Variants in UFSP1 observed in about 807,000 individuals in gnomAD.
The protein encoded by UFSP1 is ufm1-specific protease 1.
For synonymous variants in UFSP1, 119 were observed against 77.6 expected (o/e 1.53, Z -2.81); for missense variants, 261 against 182.7 (o/e 1.43, Z -2.47).
Position 100,889,641 on chromosome 7 carries a change from T to C in UFSP1, c.-370A>G. 3.8e-6 allele frequency: 1 copy of C among 260,718 alleles called. No homozygotes were observed. Among genetic ancestry groups the C allele is most frequent in the Non-Finnish European group, 7.4e-6 (1 of 135,290 alleles). 16.2% of individuals were successfully genotyped at this position (260,718 alleles called of 1,614,324 possible). A position where few individuals can be genotyped will look rare whatever the true frequency, so the allele number is the denominator to read the frequency against. ...ACCGGCGCGCAGACTGGGGACGCGC[T>C]CCCCGGGCCTCGTTGATCACCGCAG... is the stretch of plus-strand genomic sequence containing the variant. On this transcript the variant is annotated 5_prime_UTR_variant, in exon 1 of 1. Transcript: ENST00000388761.
chr7:100,889,404 G>A lies in UFSP1; in HGVS notation c.-133C>T. ...GGTCGTCCAGGCCGTCGCAGCCGTA[G>A]TGGTAGTAGAGGTAGTGGCCCGAGA... On this transcript the variant is annotated 5_prime_UTR_variant, in exon 1 of 1. Coordinates refer to ENST00000388761, the MANE Select transcript of UFSP1 (RefSeq NM_001015072.4). 3 of 775,710 alleles carry A rather than the reference G, an allele frequency of 3.9e-6. No homozygotes were observed. The highest frequency in any genetic ancestry group is 5.9e-6 in the Non-Finnish European group (3 of 505,266). 48.1% of individuals were successfully genotyped at this position (775,710 alleles called of 1,614,324 possible).
chr7:100,889,141 T>A lies in UFSP1; in HGVS notation c.131A>T (p.His44Leu). ...CGAGTAAAGCCTCTCCAGCTCCCCG[T>A]GCAGCCCCACTCCCCGGGGTACGTG... Residue 44 changes from histidine (H) to leucine (L), a missense_variant, in exon 1 of 1, where the codon CAC becomes CTC. By Grantham distance (99) the His-to-Leu change is moderately conservative. Coordinates refer to ENST00000388761, the MANE Select transcript of UFSP1 (RefSeq NM_001015072.4). 6.2e-7 allele frequency: 1 copy of A among 1,612,874 alleles called. No individual in the cohort carries two copies. Among genetic ancestry groups the A allele is most frequent in the Non-Finnish European group, 8.5e-7 (1 of 1,179,698 alleles).
Position 100,889,339 on chromosome 7 carries a change from C to T in UFSP1, c.-68G>A, listed in dbSNP as rs1790488393. 3 of 1,367,548 alleles carry T rather than the reference C, an allele frequency of 2.2e-6. No individual in the cohort carries two copies. The highest frequency in any genetic ancestry group is 5.7e-5 in the Admixed American group (2 of 35,300). 84.7% of individuals were successfully genotyped at this position (1,367,548 alleles called of 1,614,324 possible). On this transcript the variant is annotated 5_prime_UTR_variant, in exon 1 of 1. Coordinates refer to ENST00000388761, the MANE Select transcript of UFSP1 (RefSeq NM_001015072.4). ...CGCGGGCTGGCCCTCTGGCCACGAG[C>T]ACAGCGTCTGCAGAGTGCGGTAGCC...
Position 100,888,973 on chromosome 7 carries a change from C to A in UFSP1, c.299G>T (p.Ser100Ile), listed in dbSNP as rs1790461850. The A allele has an allele frequency of 6.2e-7, 1 of 1,614,068 alleles. No individual in the cohort carries two copies. ...CCCAGCAGCCTGTAGTTCACTGGGG[C>A]TTTTTGGAGTGCCCCAGTAGTGAGG... Residue 100 changes from serine (S) to isoleucine (I), a missense_variant, in exon 1 of 1, where the codon AGC becomes ATC. Physicochemically the swap from Ser to Ile is moderately radical, Grantham distance 142. Transcript: ENST00000388761.
chr7:100,889,337 A>C lies in UFSP1; in HGVS notation c.-66T>G. Reference sequence around the variant, plus strand: ...CCCGCGGGCTGGCCCTCTGGCCACGAGCACAGCGTCTGCAGAGTGCGGTAG... The same window carrying C: ...CCCGCGGGCTGGCCCTCTGGCCACGCGCACAGCGTCTGCAGAGTGCGGTAG... On this transcript the variant is annotated 5_prime_UTR_variant, in exon 1 of 1. Coordinates refer to ENST00000388761, the MANE Select transcript of UFSP1 (RefSeq NM_001015072.4). 2.2e-6 allele frequency: 3 copies of C among 1,376,700 alleles called. No individual in the cohort carries two copies. The highest frequency in any genetic ancestry group is 2.9e-6 in the Non-Finnish European group (3 of 1,039,968). 85.3% of individuals were successfully genotyped at this position (1,376,700 alleles called of 1,614,324 possible).
rs1790475022 is a variant in UFSP1, at chr7:100,889,125, CCT to C, written c.145_146del (p.Arg49AlafsTer54). 5 of 1,613,156 alleles carry C rather than the reference CCT, an allele frequency of 3.1e-6. No homozygotes were observed. In the South Asian group the frequency reaches 3.3e-5, roughly 11 times the overall value. On this transcript the variant is annotated frameshift_variant, in exon 1 of 1. Coordinates refer to ENST00000388761, the MANE Select transcript of UFSP1 (RefSeq NM_001015072.4). LOFTEE classifies it low-confidence loss of function (END_TRUNC). ...CACCCCCTGCGAAGTGCGAGTAAAG[CCT>C]CTCCAGCTCCCCGTGCAGCCCCACT...
rs773761808 is a variant in UFSP1 at position 100,888,866 on chromosome 7, G to A, written c.406C>T (p.Gln136Ter). The A allele has an allele frequency of 1.2e-6, 2 of 1,612,012 alleles. No homozygotes were observed. Among genetic ancestry groups the A allele is most frequent in the East Asian group, 2.2e-5 (1 of 44,834 alleles). Residue 136 changes from glutamine (Q) to a stop codon, truncating the protein, a stop_gained, in exon 1 of 1, where the codon CAG becomes TAG. Coordinates refer to ENST00000388761, the MANE Select transcript of UFSP1 (RefSeq NM_001015072.4). LOFTEE classifies it high-confidence loss of function. ...CCTCAGTCCAAGGTGCGCTGCTGCT[G>A]TTGGGAGCTAAGGCTGGTCAAGCAC... is the stretch of plus-strand genomic sequence containing the variant.
rs1790499681 is a variant in UFSP1, at chr7:100,889,610, C to T, written c.-339G>A. The T allele has an allele frequency of 9.6e-6, 3 of 311,216 alleles. No homozygotes were observed. Among genetic ancestry groups the T allele is most frequent in the African/African-American group, 4.3e-5 (2 of 46,038 alleles). 19.3% of individuals were successfully genotyped at this position (311,216 alleles called of 1,614,324 possible). A position where few individuals can be genotyped will look rare whatever the true frequency, so the allele number is the denominator to read the frequency against. ...CGGCTCCGGGTCTTGGGCCAGCTGCCGCAGGACCGGCGCGCAGACTGGGGA... is the reference window on the plus strand; with the variant it reads ...CGGCTCCGGGTCTTGGGCCAGCTGCTGCAGGACCGGCGCGCAGACTGGGGA... On this transcript the variant is annotated 5_prime_UTR_variant, in exon 1 of 1. Coordinates refer to ENST00000388761, the MANE Select transcript of UFSP1 (RefSeq NM_001015072.4).
rs772090483 is a variant in UFSP1 at position 100,889,158 on chromosome 7, G to C, written c.114C>G (p.Pro38=). 7.4e-6 allele frequency: 12 copies of C among 1,612,714 alleles called. No individual in the cohort carries two copies. The highest frequency in any genetic ancestry group is 8.5e-6 in the Non-Finnish European group (10 of 1,179,776). ...GCTCCCCGTGCAGCCCCACTCCCCG[G>C]GGTACGTGGCAGAGGCGTCCCTGGG... The change falls in exon 1 of 1, where the codon CCC becomes CCG. Residue 38 remains proline (P), a synonymous_variant. Coordinates refer to ENST00000388761, the MANE Select transcript of UFSP1 (RefSeq NM_001015072.4).
In UFSP1 at chr7:100,889,502, C is replaced by A. The variant is rs537404942; in HGVS notation, c.-231G>T. On this transcript the variant is annotated 5_prime_UTR_variant, in exon 1 of 1. Transcript: ENST00000388761. ...TGGACGTCCCTCAGCGGCTCCAGGGCGGTGGGCGGGAGCGGAGGTCCCAGG... is the reference window on the plus strand; with the variant it reads ...TGGACGTCCCTCAGCGGCTCCAGGGAGGTGGGCGGGAGCGGAGGTCCCAGG... 37 of 464,042 alleles carry A rather than the reference C, an allele frequency of 8.0e-5. No homozygotes were observed. Among genetic ancestry groups the A allele is most frequent in the South Asian group, 5.4e-4 (11 of 20,342 alleles). The allele number at this position is 464,042 out of a possible 1,614,324, so 28.7% of individuals were successfully genotyped here. A position where few individuals can be genotyped will look rare whatever the true frequency, so the allele number is the denominator to read the frequency against.
chr7:100,889,335 C>T lies in UFSP1; in HGVS notation c.-64G>A. 1 of 1,376,342 alleles carries T rather than the reference C, an allele frequency of 7.3e-7. No homozygotes were observed. The allele number at this position is 1,376,342 out of a possible 1,614,324, so 85.3% of individuals were successfully genotyped here. A position where few individuals can be genotyped will look rare whatever the true frequency, so the allele number is the denominator to read the frequency against. On this transcript the variant is annotated 5_prime_UTR_variant, in exon 1 of 1. Transcript: ENST00000388761. ...CGCCCGCGGGCTGGCCCTCTGGCCACGAGCACAGCGTCTGCAGAGTGCGGT... is the reference window on the plus strand; with the variant it reads ...CGCCCGCGGGCTGGCCCTCTGGCCATGAGCACAGCGTCTGCAGAGTGCGGT...
rs1790459881 is a variant in UFSP1 at position 100,888,942 on chromosome 7, C to T, written c.330G>A (p.Val110=). 6.2e-7 allele frequency: 1 copy of T among 1,614,170 alleles called. No homozygotes were observed. The highest frequency in any genetic ancestry group is 1.1e-5 in the South Asian group (1 of 91,080). ...AGGCTGCACTCACCTCTTGCCAGCC[C>T]ACCCACCCAGCAGCCTGTAGTTCAC... Residue 110 remains valine (V), a synonymous_variant, in exon 1 of 1, where the codon GTG becomes GTA. Transcript: ENST00000388761.
Position 100,889,398 on chromosome 7 carries a change from G to T in UFSP1, c.-127C>A. 1 of 816,094 alleles carries T rather than the reference G, an allele frequency of 1.2e-6. No individual in the cohort carries two copies. Among genetic ancestry groups the T allele is most frequent in the Non-Finnish European group, 1.8e-6 (1 of 541,214 alleles). 50.6% of individuals were successfully genotyped at this position (816,094 alleles called of 1,614,324 possible). A position where few individuals can be genotyped will look rare whatever the true frequency, so the allele number is the denominator to read the frequency against. Reference sequence around the variant, plus strand: ...AGCCGCGGTCGTCCAGGCCGTCGCAGCCGTAGTGGTAGTAGAGGTAGTGGC... The same window carrying T: ...AGCCGCGGTCGTCCAGGCCGTCGCATCCGTAGTGGTAGTAGAGGTAGTGGC... On this transcript the variant is annotated 5_prime_UTR_variant, in exon 1 of 1. Coordinates refer to ENST00000388761, the MANE Select transcript of UFSP1 (RefSeq NM_001015072.4).
At position 100,889,191 on chromosome 7, in the gene UFSP1, G is replaced by T. The variant is rs1045654524; in HGVS notation, c.81C>A (p.Phe27Leu). 3.1e-6 allele frequency: 5 copies of T among 1,609,622 alleles called. No individual in the cohort carries two copies. Among genetic ancestry groups the T allele is most frequent in the Non-Finnish European group, 3.4e-6 (4 of 1,178,496 alleles). Reference sequence around the variant, plus strand: ...GGCAGAGGCGTCCCTGGGGCCCTCCGAAGTGAGCGAGGCAGAGGCTGGCCT... The same window carrying T: ...GGCAGAGGCGTCCCTGGGGCCCTCCTAAGTGAGCGAGGCAGAGGCTGGCCT... The change falls in exon 1 of 1, where the codon TTC (phenylalanine) becomes TTA (leucine). Residue 27 changes from phenylalanine (F) to leucine (L), a missense_variant. Physicochemically the swap from Phe to Leu is conservative, Grantham distance 22. Transcript: ENST00000388761.
rs775290723 is a variant in UFSP1, at chr7:100,889,159, G to C, written c.113C>G (p.Pro38Arg). 9.3e-6 allele frequency: 15 copies of C among 1,612,790 alleles called. 2 individuals are homozygous for C. The Middle Eastern group carries it at 5.0e-4, about 53-fold the overall frequency. ...CTCCCCGTGCAGCCCCACTCCCCGG[G>C]GTACGTGGCAGAGGCGTCCCTGGGG... The change falls in exon 1 of 1, where the codon CCC (proline) becomes CGC (arginine). Residue 38 changes from proline (P) to arginine (R), a missense_variant. Physicochemically the swap from Pro to Arg is moderately radical, Grantham distance 103. Transcript: ENST00000388761.
In UFSP1 at chr7:100,889,235, C is replaced by A; in HGVS notation, c.37G>T (p.Asp13Tyr). ...CTGGCCTCCACGCAGCCGATCCAGTCCCGGGAGCCCCGGAAGCCGGGGGGC... is the reference window on the plus strand; with the variant it reads ...CTGGCCTCCACGCAGCCGATCCAGTACCGGGAGCCCCGGAAGCCGGGGGGC... The change falls in exon 1 of 1, where the codon GAC becomes TAC. Residue 13 changes from aspartate (D) to tyrosine (Y), a missense_variant. Physicochemically the swap from Asp to Tyr is radical, Grantham distance 160. Transcript: ENST00000388761. The A allele has an allele frequency of 6.4e-7, 1 of 1,558,896 alleles. No homozygotes were observed. Among genetic ancestry groups the A allele is most frequent in the Non-Finnish European group, 8.7e-7 (1 of 1,155,448 alleles).
At position 100,888,914 on chromosome 7, in the gene UFSP1, C is replaced by T; in HGVS notation, c.358G>A (p.Asp120Asn). ...CACAGGTTGTAGAAGGAGTTGGGGT[C>T]AAAGGCTGCACTCACCTCTTGCCAG... Residue 120 changes from aspartate to asparagine, a missense_variant, in exon 1 of 1, where the codon GAC becomes AAC. Physicochemically the swap from Asp to Asn is conservative, Grantham distance 23 (BLOSUM62 1). Coordinates refer to ENST00000388761, the MANE Select transcript of UFSP1 (RefSeq NM_001015072.4). 2 of 1,614,152 alleles carry T rather than the reference C, an allele frequency of 1.2e-6. No homozygotes were observed. The highest frequency in any genetic ancestry group is 2.2e-5 in the South Asian group (2 of 91,078).
In UFSP1 at chr7:100,889,522, C is replaced by T; in HGVS notation, c.-251G>A. ...CAGGGCGGTGGGCGGGAGCGGAGGT[C>T]CCAGGCCAGGCACAGCGTCCTCCTA... On this transcript the variant is annotated 5_prime_UTR_variant, in exon 1 of 1. Coordinates refer to ENST00000388761, the MANE Select transcript of UFSP1 (RefSeq NM_001015072.4). The T allele has an allele frequency of 2.2e-6, 1 of 458,252 alleles. No homozygotes were observed. Among genetic ancestry groups the T allele is most frequent in the South Asian group, 5.0e-5 (1 of 19,862 alleles). The allele number at this position is 458,252 out of a possible 1,614,324, so 28.4% of individuals were successfully genotyped here.
Position 100,889,062 on chromosome 7 carries a change from C to G in UFSP1, c.210G>C (p.Arg70Ser). The G allele has an allele frequency of 6.2e-6, 10 of 1,614,110 alleles. No individual in the cohort carries two copies. The highest frequency in any genetic ancestry group is 8.5e-6 in the Non-Finnish European group (10 of 1,180,020). The change falls in exon 1 of 1, where the codon AGG becomes AGC. Residue 70 changes from arginine to serine, a missense_variant. Coordinates refer to ENST00000388761, the MANE Select transcript of UFSP1 (RefSeq NM_001015072.4). ...CGCAGACTCCCAGCAAGGCCTTGGA[C>G]CTGGCATCTGCGTCCCCCCCAACCA...
Sources: gnomAD v4.1 joint callset for allele counts on GRCh38, gnomAD v4.1.1 for gene constraint, MANE v1.5 for transcripts, NCBI Gene and HGNC (gene_info 2026-07-23, HGNC 2026-07-21) for gene names.